PHYHIPL: variants seen among roughly 807,000 people sequenced by gnomAD.
The protein encoded by PHYHIPL is phytanoyl-CoA hydroxylase-interacting protein-like.
Under a neutral mutation model 33.4 loss-of-function variants are expected in PHYHIPL, and 9 were observed. The ratio of observed to expected loss-of-function variants is 0.27; its 90% CI spans 0.16 to 0.47. The LOEUF is 0.47. PHYHIPL is among the 20% of genes least tolerant of loss of function. The probability of loss-of-function intolerance (pLI) is 0.99; values close to 1 mark genes in which losing one functional copy is unlikely to be tolerated. For missense variants in PHYHIPL, 365 were observed against 460.7 expected, an observed-to-expected ratio of 0.79 and a Z score of 1.90; for synonymous variants, 153 against 154.1, an observed-to-expected ratio of 0.99 and a Z score of 0.05.
chr10:59,212,797 A>G (rs926468056), intron 1 of PHYHIPL, among the ~76,000 whole-genome samples: 6 of 152,190 alleles, frequency 3.9e-5, no homozygotes, highest in Admixed American at 2.6e-4. Flanking sequence ...ACCAAACTGT[A>G]ATTGAAGTGT....
intron 1 of PHYHIPL, among the ~76,000 whole-genome samples, chr10:59,198,714 C>A (rs912453017): frequency 6.7e-6 from 1 of 150,172 alleles, no homozygotes; most frequent in Admixed American, 6.6e-5. Context: ...TCTCCAGCAC[C>A]TATTGTTTCC....
chr10:59,201,461 G>A (rs918242049), intron 1 of PHYHIPL, among the ~76,000 whole-genome samples: 3 of 152,182 alleles, frequency 2.0e-5, no homozygotes, highest in African/African-American at 7.2e-5. Context: ...ATTTGCTGAA[G>A]AGAGCTTTAC....
chr10:59,245,410 A>T lies in PHYHIPL; in HGVS notation c.950A>T (p.Asp317Val). 6 of 1,614,156 alleles carry T rather than the reference A, an allele frequency of 3.7e-6. No individual in the cohort carries two copies. Among genetic ancestry groups the T allele is most frequent in the Non-Finnish European group, 5.1e-6 (6 of 1,180,018 alleles). ...DNKFLTCTEE[D>V]GVLVYHHAQD... ...AAATTTTTGACCTGTACAGAAGAAGATGGGGTGCTGGTTTACCACCATGCC... is the reference window on the plus strand; with the variant it reads ...AAATTTTTGACCTGTACAGAAGAAGTTGGGGTGCTGGTTTACCACCATGCC... The change falls in exon 5 of 5, where the codon GAT (aspartate) becomes GTT (valine). Residue 317 changes from aspartate to valine, a missense_variant. Asp to Val is a radical substitution (Grantham distance 152, BLOSUM62 -3). Around this residue, in one of 4 missense-constraint regions of PHYHIPL, gnomAD observed 196 missense variants for 224.9 expected, o/e 0.87. Transcript: ENST00000373880.
chr10:59,188,840 T>C (rs567746325), intron 1 of PHYHIPL, among the ~76,000 whole-genome samples: 1 of 152,280 alleles, frequency 6.6e-6, no homozygotes, highest in East Asian at 1.9e-4. Context: ...TCCATCCCTT[T>C]ATTTTGAGCC....
At chr10:59,241,750 A>T (rs527563938) in intron 4 of PHYHIPL, among the ~76,000 whole-genome samples, 1 of 152,082 alleles carries the variant, frequency 6.6e-6, no homozygotes, top group Non-Finnish European at 1.5e-5. Context: ...AGATGGGTAG[A>T]TTCTCTTTTC....
At chr10:59,196,355 G>GTATA (rs1228974834) in intron 1 of PHYHIPL, among the ~76,000 whole-genome samples, 2 of 148,202 alleles carry the variant, frequency 1.3e-5, no homozygotes, top group East Asian at 2.0e-4. Context: ...TAATATATTA[G>GTATA]TATATATATA....
chr10:59,210,796 C>A (rs1215008986), intron 1 of PHYHIPL, among the ~76,000 whole-genome samples: 1 of 152,032 alleles, frequency 6.6e-6, no homozygotes, highest in Admixed American at 6.6e-5. Flanking sequence ...AAACTGGAAA[C>A]CATCATTCTC....
chr10:59,199,151 T>A (rs1207491489), intron 1 of PHYHIPL, among the ~76,000 whole-genome samples: 1 of 152,204 alleles, frequency 6.6e-6, no homozygotes, highest in Non-Finnish European at 1.5e-5. Flanking sequence ...TCCTGAATGG[T>A]ATTGCCTAGG....
At chr10:59,238,534 G>T (rs199542929) in intron 3 of PHYHIPL, 54 bp from the exon 4 acceptor site, 178 of 983,158 alleles carry the variant, frequency 1.8e-4, no homozygotes, top group Non-Finnish European at 2.7e-4. Context: ...TAAGTATATG[G>T]TTGGTACTTT....
At chr10:59,203,420 T>C (rs1417614184) in intron 1 of PHYHIPL, among the ~76,000 whole-genome samples, 2 of 152,178 alleles carry the variant, frequency 1.3e-5, no homozygotes, top group African/African-American at 4.8e-5. Flanking sequence ...TTACTGGGTA[T>C]ATACCCAAAG....
rs185573412 is a variant in PHYHIPL, at chr10:59,200,435, G to C, written c.106+23476G>C. ...CTTCATTGTGGTGGATAAGCTTTTT[G>C]ATGTGCTGCTGGATTTGGTTTGCCA... is the stretch of plus-strand genomic sequence containing the variant. On this transcript the variant is annotated intron_variant, in intron 1 of 4. Transcript: ENST00000373880. 1.2e-3 allele frequency among the ~76,000 whole-genome samples: 190 copies of C among 152,262 alleles called. 1 individual carries two copies. The highest frequency in any genetic ancestry group is 2.2e-3 in the Non-Finnish European group (152 of 68,020).
chr10:59,237,374 A>G (rs962348964), intron 3 of PHYHIPL, among the ~76,000 whole-genome samples: 1 of 151,948 alleles, frequency 6.6e-6, no homozygotes, highest in African/African-American at 2.4e-5. Context: ...GGGATACCAT[A>G]TCTCTACCTG....
intron 1 of PHYHIPL, 66 bp downstream of exon 1, chr10:59,177,025 C>A: frequency 2.1e-6 from 3 of 1,401,068 alleles, no homozygotes; most frequent in Non-Finnish European, 3.0e-6. Context: ...GCCACTCTGG[C>A]TCCGCCGACG....
chr10:59,236,660 A>C lies in PHYHIPL; in HGVS notation c.478+3A>C. 1 of 1,593,724 alleles carries C rather than the reference A, an allele frequency of 6.3e-7. No homozygotes were observed. Among genetic ancestry groups the C allele is most frequent in the Non-Finnish European group, 8.5e-7 (1 of 1,169,950 alleles). ...AATTATAGAATTCTGCACCGCAGGTAAGAGAACTAGGTACAAATATAGAAA... is the reference window on the plus strand; with the variant it reads ...AATTATAGAATTCTGCACCGCAGGTCAGAGAACTAGGTACAAATATAGAAA... On this transcript the variant is annotated splice_donor_region_variant and intron_variant, in intron 3 of 4. Transcript: ENST00000373880.
intron 4 of PHYHIPL, among the ~76,000 whole-genome samples, chr10:59,239,730 A>G (rs2133296359): frequency 6.6e-6 from 1 of 152,150 alleles, no homozygotes; most frequent in South Asian, 2.1e-4. Flanking sequence ...AAGAGAATAA[A>G]TAGCCAGATG....
chr10:59,207,356 G>T (rs1479599996), intron 1 of PHYHIPL, among the ~76,000 whole-genome samples: 1 of 152,154 alleles, frequency 6.6e-6, no homozygotes, highest in African/African-American at 2.4e-5. Context: ...GCCAAAGGAA[G>T]CCATGAGGGA....
intron 1 of PHYHIPL, among the ~76,000 whole-genome samples, chr10:59,200,796 G>T (rs941663267): frequency 6.6e-6 from 1 of 152,204 alleles, no homozygotes; most frequent in Non-Finnish European, 1.5e-5. Flanking sequence ...GAGGGTGTAT[G>T]TGTCGAAGAA....
intron 1 of PHYHIPL, among the ~76,000 whole-genome samples, chr10:59,184,685 A>G (rs998009288): frequency 5.3e-5 from 8 of 151,524 alleles, no homozygotes; most frequent in Admixed American, 3.9e-4. Context: ...TTTAGGGTAC[A>G]TGTGCACAAC....
chr10:59,243,291 G>A (rs531613543), intron 4 of PHYHIPL, among the ~76,000 whole-genome samples: 2 of 152,112 alleles, frequency 1.3e-5, no homozygotes, highest in South Asian at 2.1e-4. Context: ...TCCTATATCC[G>A]GTGAAAATAT....
Sources: allele counts gnomAD v4.1 joint callset (sites outside exome capture counted in the v4.1 genomes callset), GRCh38; gene constraint gnomAD v4.1.1; regional missense constraint gnomAD v4.1.1; transcripts MANE v1.5; gene names NCBI Gene and HGNC (gene_info 2026-07-23, HGNC 2026-07-21).